The following TMEM135 variants were observed in gnomAD, a reference collection of about 807,000 sequenced individuals.
TMEM135 encodes the protein transmembrane protein 135.
In TMEM135, 30 loss-of-function variants were observed where a neutral mutation model predicts 60.3. The observed-to-expected ratio is 0.50, with a 90% confidence interval of 0.37 to 0.68. TMEM135 has a LOEUF of 0.68. Among genes scored for constraint, TMEM135 ranks in the 30% least tolerant of loss-of-function variants. The probability of loss-of-function intolerance (pLI) is 0.00; values close to 1 mark genes in which losing one functional copy is unlikely to be tolerated. For synonymous variants in TMEM135, 190 were observed against 186.7 expected, an observed-to-expected ratio of 1.02 and a Z score of -0.14; for missense variants, 468 against 548.8, an observed-to-expected ratio of 0.85 and a Z score of 1.47.
At chr11:87,050,516 A>G (rs1949832053) in intron 1 of TMEM135, among the ~76,000 whole-genome samples, 1 of 58,820 alleles carries the variant, frequency 1.7e-5, no homozygotes, top group Non-Finnish European at 2.7e-5. Flanking sequence ...ACAAACTACC[A>G]TCAGAGAATA....
rs1334579465 is a variant in TMEM135, at chr11:87,325,390, T to A, written c.*4057T>A. On this transcript the variant is annotated 3_prime_UTR_variant, in exon 15 of 15. Coordinates refer to ENST00000305494, the MANE Select transcript of TMEM135 (RefSeq NM_022918.4). ...CTTACAGCTGTGGTGAATAAGAATG[T>A]GTGCTATTTTACACACAGAAGAAAA... 2.2e-6 allele frequency: 1 copy of A among 453,952 alleles called. No homozygotes were observed. 28.1% of individuals were successfully genotyped at this position (453,952 alleles called of 1,614,324 possible).
chr11:87,240,809 A>G (rs925943937), intron 6 of TMEM135, among the ~76,000 whole-genome samples: 15 of 152,156 alleles, frequency 9.9e-5, no homozygotes, highest in African/African-American at 3.4e-4. Context: ...ATCCCAACCT[A>G]GTAAGTACCA....
At chr11:87,153,699 C>T (rs1456451542) in intron 4 of TMEM135, among the ~76,000 whole-genome samples, 1 of 152,118 alleles carries the variant, frequency 6.6e-6, no homozygotes, top group Non-Finnish European at 1.5e-5. Flanking sequence ...ATGTAAACTC[C>T]TTAAAAATAA....
At chr11:87,251,021 A>T (rs1297192359) in intron 6 of TMEM135, among the ~76,000 whole-genome samples, 3 of 152,152 alleles carry the variant, frequency 2.0e-5, no homozygotes, top group Non-Finnish European at 4.4e-5. Context: ...GATGAGGAAG[A>T]TGAAAAACGC....
Position 87,328,553 on chromosome 11 carries a change from A to G in TMEM135, c.*7220A>G, listed in dbSNP as rs1220989051. ...TATATCACTCTGTATACCCTTGTGT[A>G]TCCATAGCTTAGCTCCCACTTACAG... On this transcript the variant is annotated 3_prime_UTR_variant, in exon 15 of 15. Coordinates refer to ENST00000305494, the MANE Select transcript of TMEM135 (RefSeq NM_022918.4). 2.2e-6 allele frequency: 1 copy of G among 454,064 alleles called. No individual in the cohort carries two copies. Among genetic ancestry groups the G allele is most frequent in the African/African-American group, 2.0e-5 (1 of 50,122 alleles). The allele number at this position is 454,064 out of a possible 1,614,324, so 28.1% of individuals were successfully genotyped here.
chr11:87,250,536 G>T (rs981242147), intron 6 of TMEM135, among the ~76,000 whole-genome samples: 2 of 151,422 alleles, frequency 1.3e-5, no homozygotes, highest in African/African-American at 4.8e-5. Context: ...TTTTTTCATT[G>T]GTCACTCAGG....
intron 5 of TMEM135, among the ~76,000 whole-genome samples, chr11:87,217,801 G>A (rs1940535037): frequency 6.6e-6 from 1 of 151,668 alleles, no homozygotes; most frequent in Admixed American, 6.6e-5. Context: ...AAAAAAAGAA[G>A]GTTGGGGTGG....
intron 5 of TMEM135, among the ~76,000 whole-genome samples, chr11:87,196,033 C>T (rs763412995): frequency 3.3e-5 from 5 of 151,260 alleles, no homozygotes; most frequent in South Asian, 2.1e-4. Flanking sequence ...AGTATCTGTG[C>T]GAGACTATTT....
At chr11:87,299,333 G>T (rs1320754378) in intron 7 of TMEM135, among the ~76,000 whole-genome samples, 1 of 152,174 alleles carries the variant, frequency 6.6e-6, no homozygotes, top group Non-Finnish European at 1.5e-5. Context: ...GGTGGCAGGA[G>T]AGGGAGAGAG....
intron 4 of TMEM135, among the ~76,000 whole-genome samples, chr11:87,110,660 C>G (rs1857718980): frequency 6.6e-6 from 1 of 151,956 alleles, no homozygotes; most frequent in Non-Finnish European, 1.5e-5. Flanking sequence ...ATGGATTATT[C>G]CACTAGGTAA....
chr11:87,206,433 G>C (rs1258523099), intron 5 of TMEM135, among the ~76,000 whole-genome samples: 1 of 151,920 alleles, frequency 6.6e-6, no homozygotes, highest in African/African-American at 2.4e-5. Context: ...AGAAATTTTT[G>C]AATGTTGTTT....
intron 3 of TMEM135, among the ~76,000 whole-genome samples, chr11:87,078,540 G>A (rs534415849): frequency 2.6e-5 from 4 of 152,004 alleles, no homozygotes; most frequent in African/African-American, 7.2e-5. Context: ...TCACTTCATT[G>A]ATCTTGTCTT....
intron 1 of TMEM135, among the ~76,000 whole-genome samples, chr11:87,044,584 T>C (rs191501512): frequency 5.9e-5 from 9 of 152,250 alleles, no homozygotes; most frequent in Non-Finnish European, 7.3e-5. Context: ...TCACTTTATC[T>C]TTCTTTTCAA....
At chr11:87,269,339 C>CT (rs200604132) in intron 6 of TMEM135, among the ~76,000 whole-genome samples, 2,978 of 70,668 alleles carry the variant, frequency 0.042, 84 homozygotes, top group African/African-American at 0.1. Context: ...GATTTCTTTT[C>CT]TTTTTTTTTT....
chr11:87,060,647 C>CTTT lies in TMEM135; in HGVS notation c.142-7036_142-7034dup, dbSNP rs11459506. 3.3e-4 allele frequency among the ~76,000 whole-genome samples: 47 copies of CTTT among 143,574 alleles called. 1 individual carries two copies. The highest frequency in any genetic ancestry group is 1.2e-3 in the African/African-American group (47 of 38,956). 94.2% of individuals were successfully genotyped at this position (143,574 alleles called of 152,430 possible). A position where few individuals can be genotyped will look rare whatever the true frequency, so the allele number is the denominator to read the frequency against. On this transcript the variant is annotated intron_variant, in intron 1 of 14. Transcript: ENST00000305494. ...CTCTGTACTTTTTCTTTTTTCTTTC[C>CTTT]TTTTTTTTTTTTTGAGACGGAGTCT...
intron 9 of TMEM135, among the ~76,000 whole-genome samples, chr11:87,307,903 A>T (rs548867001): frequency 6.6e-6 from 1 of 152,216 alleles, no homozygotes; most frequent in Non-Finnish European, 1.5e-5. Flanking sequence ...CAGCCTCTTA[A>T]TTGGCTTTAT....
At chr11:87,164,694 T>C (rs1454221963) in intron 5 of TMEM135, among the ~76,000 whole-genome samples, 5 of 89,738 alleles carry the variant, frequency 5.6e-5, no homozygotes, top group Admixed American at 1.3e-4. Flanking sequence ...TTCCATTTGT[T>C]TGTGTCCTCT....
intron 3 of TMEM135, among the ~76,000 whole-genome samples, chr11:87,084,890 T>C (rs1160491570): frequency 6.6e-6 from 1 of 152,208 alleles, no homozygotes; most frequent in Admixed American, 6.5e-5. Context: ...CAGCTTCTCC[T>C]TTTCAGGCCT....
chr11:87,163,012 GTCTTCTTTTTTTTTTTTAATTT>G (rs1256994649), intron 5 of TMEM135, among the ~76,000 whole-genome samples: 6 of 137,200 alleles, frequency 4.4e-5, no homozygotes, highest in African/African-American at 1.6e-4. Context: ...CCTTATAAAT[GTCTTCTTTTTTTTTTTTAATTT>G]TTTTATTTTT....
Sources: allele counts gnomAD v4.1 joint callset (sites outside exome capture counted in the v4.1 genomes callset), GRCh38; gene constraint gnomAD v4.1.1; transcripts MANE v1.5; gene names NCBI Gene and HGNC (gene_info 2026-07-23, HGNC 2026-07-21).